The following MYO6 variants were observed in gnomAD, a reference collection of about 807,000 sequenced individuals.
MYO6 encodes the protein unconventional myosin-VI.
Under a neutral mutation model 178.7 loss-of-function variants are expected in MYO6, and 74 were observed. The ratio of observed to expected loss-of-function variants is 0.41; its 90% CI spans 0.34 to 0.50. The LOEUF (loss-of-function observed/expected upper bound fraction) is 0.50, where lower values mean the gene tolerates loss of function less well. Among genes scored for constraint, MYO6 ranks in the 20% least tolerant of loss-of-function variants. The pLI, the probability that MYO6 is intolerant of heterozygous loss-of-function variation, is 0.09. For synonymous variants in MYO6, 477 were observed against 504.6 expected (o/e 0.95, Z 0.73); for missense variants, 1,330 against 1,547.4 (o/e 0.86, Z 2.36).
intron 9 of MYO6, among the ~76,000 whole-genome samples, chr6:75,844,551 T>C (rs1774545286): frequency 1.3e-5 from 2 of 152,094 alleles, no homozygotes; most frequent in Admixed American, 1.3e-4. Context: ...ACATATTTAG[T>C]AGGAAGGTGA....
At chr6:75,840,796 C>T (rs1028810580) in intron 8 of MYO6, 114 bp downstream of exon 8, 5 of 800,764 alleles carry the variant, frequency 6.2e-6, no homozygotes, top group South Asian at 1.5e-5. Context: ...TTCATTGTTA[C>T]TTTAGATGGT....
intron 33 of MYO6, 24 bp from the exon 34 acceptor site, chr6:75,914,039 A>T (rs1377414103): frequency 6.2e-7 from 1 of 1,611,312 alleles, no homozygotes; most frequent in Admixed American, 1.7e-5. Context: ...CTGCTGGTAT[A>T]ACTTTCCTTG....
At chr6:75,863,548 C>T (rs755891475) in intron 16 of MYO6, among the ~76,000 whole-genome samples, 2 of 151,626 alleles carry the variant, frequency 1.3e-5, no homozygotes, top group Admixed American at 6.6e-5. Flanking sequence ...TGCAATGGTG[C>T]GATCTCGGCT....
chr6:75,878,794 A>G (rs539682385), intron 20 of MYO6, among the ~76,000 whole-genome samples: 40 of 152,304 alleles, frequency 2.6e-4, no homozygotes, highest in African/African-American at 9.1e-4. Context: ...GTTGATTTGA[A>G]TAGTCCCAGA....
Position 75,783,434 on chromosome 6 carries a change from A to T in MYO6, c.-48+34011A>T, listed in dbSNP as rs1767190850. 2.0e-5 allele frequency among the ~76,000 whole-genome samples: 3 copies of T among 151,980 alleles called. No individual in the cohort carries two copies. In the South Asian group the frequency reaches 6.2e-4, roughly 32 times the overall value. On this transcript the variant is annotated intron_variant, in intron 1 of 34. Transcript: ENST00000369977. Reference sequence around the variant, plus strand: ...AGACTTGTTAAGTGGTGCTTTCAGCATTTCTCCCTTTTTCTCTTCCGGTAT... The same window carrying T: ...AGACTTGTTAAGTGGTGCTTTCAGCTTTTCTCCCTTTTTCTCTTCCGGTAT...
chr6:75,810,402 C>G (rs1014985404), intron 1 of MYO6, among the ~76,000 whole-genome samples: 2 of 152,114 alleles, frequency 1.3e-5, no homozygotes, highest in Non-Finnish European at 2.9e-5. Context: ...GATGCTGTAC[C>G]AGAGTCAGGT....
At chr6:75,827,189 G>T (rs1772564215) in intron 3 of MYO6, among the ~76,000 whole-genome samples, 1 of 152,210 alleles carries the variant, frequency 6.6e-6, no homozygotes. Flanking sequence ...CACTGGCAGT[G>T]TGTGGTAAGA....
chr6:75,904,701 G>A (rs1331550963), intron 30 of MYO6, among the ~76,000 whole-genome samples: 1 of 152,008 alleles, frequency 6.6e-6, no homozygotes, highest in East Asian at 1.9e-4. Flanking sequence ...GAGTAATTTG[G>A]TCGTCTGAAG....
intron 15 of MYO6, among the ~76,000 whole-genome samples, chr6:75,861,840 C>A (rs2149296434): frequency 6.6e-6 from 1 of 152,250 alleles, no homozygotes; most frequent in African/African-American, 2.4e-5. Flanking sequence ...ACACACGGAC[C>A]CTTTCTAACC....
At chr6:75,900,921 G>A (rs1218919352) in intron 30 of MYO6, among the ~76,000 whole-genome samples, 20 of 149,960 alleles carry the variant, frequency 1.3e-4, no homozygotes, top group Non-Finnish European at 2.7e-4. Context: ...TAAGGTGTAA[G>A]GAAGGGATCC....
chr6:75,781,287 C>T (rs758524747), intron 1 of MYO6, among the ~76,000 whole-genome samples: 40 of 152,128 alleles, frequency 2.6e-4, no homozygotes, highest in Middle Eastern at 3.4e-3. Flanking sequence ...TGAATGACTT[C>T]GGGGAGGAGG....
At position 75,919,505 on chromosome 6, in the gene MYO6, A is replaced by G. The variant is rs918667451; in HGVS notation, c.*4493A>G. ...CTCTAAAAATTGATGTACTGGAAAT[A>G]CAAATAAATAAATGCTCCCTGTGTA... is the stretch of plus-strand genomic sequence containing the variant. On this transcript the variant is annotated 3_prime_UTR_variant, in exon 35 of 35. Coordinates refer to ENST00000369977, the MANE Select transcript of MYO6 (RefSeq NM_004999.4). 6.5e-6 allele frequency: 1 copy of G among 152,674 alleles called. No individual in the cohort carries two copies. The highest frequency in any genetic ancestry group is 2.4e-5 in the African/African-American group (1 of 41,466). 9.5% of individuals were successfully genotyped at this position (152,674 alleles called of 1,614,324 possible).
At chr6:75,756,075 T>C (rs975164798) in intron 1 of MYO6, among the ~76,000 whole-genome samples, 1 of 152,186 alleles carries the variant, frequency 6.6e-6, no homozygotes, top group African/African-American at 2.4e-5. Flanking sequence ...TATCACACTT[T>C]TAGCAAAGAA....
rs931226411 is a variant in MYO6 at position 75,916,629 on chromosome 6, T to C, written c.*1617T>C. ...CTCTCTTCCATCTCTCGCCTTTAAC[T>C]GGTGTTTTTATTTGTGTAGGATAGT... On this transcript the variant is annotated 3_prime_UTR_variant, in exon 35 of 35. Coordinates refer to ENST00000369977, the MANE Select transcript of MYO6 (RefSeq NM_004999.4). The C allele has an allele frequency of 5.2e-5, 8 of 152,642 alleles. No homozygotes were observed. The highest frequency in any genetic ancestry group is 1.9e-4 in the African/African-American group (8 of 41,448). The allele number at this position is 152,642 out of a possible 1,614,324, so 9.5% of individuals were successfully genotyped here.
chr6:75,805,021 A>ATATATATATATATATATT (rs1252912172), intron 1 of MYO6, among the ~76,000 whole-genome samples: 1 of 77,284 alleles, frequency 1.3e-5, no homozygotes, highest in African/African-American at 1.0e-4. Flanking sequence ...ATATATATAT[A>ATATATATATATATATATT]TTTTTTTTTT....
chr6:75,875,059 TC>T (rs1309897464), intron 20 of MYO6, among the ~76,000 whole-genome samples: 8 of 152,202 alleles, frequency 5.3e-5, no homozygotes, highest in African/African-American at 1.9e-4. Flanking sequence ...AGGCTCATTT[TC>T]TTCTACCTGG....
chr6:75,800,622 TTGAGATGGC>T (rs1456646842), intron 1 of MYO6, among the ~76,000 whole-genome samples: 1 of 152,188 alleles, frequency 6.6e-6, no homozygotes, highest in East Asian at 1.9e-4. Context: ...TATGAAAAGT[TTGAGATGGC>T]TGTTGATTTC....
intron 7 of MYO6, among the ~76,000 whole-genome samples, chr6:75,836,739 C>T (rs1446850451): frequency 6.6e-6 from 1 of 151,834 alleles, no homozygotes; most frequent in Non-Finnish European, 1.5e-5. Context: ...CCCACCACCA[C>T]ATCTGGCTAA....
intron 9 of MYO6, among the ~76,000 whole-genome samples, chr6:75,843,565 A>G (rs1774446371): frequency 6.6e-6 from 1 of 152,172 alleles, no homozygotes; most frequent in Non-Finnish European, 1.5e-5. Flanking sequence ...TCCAGAAGCA[A>G]AGTATTTGAC....
Sources: gnomAD v4.1 joint callset for allele counts (sites outside exome capture counted in the v4.1 genomes callset) on GRCh38, gnomAD v4.1.1 for gene constraint, MANE v1.5 for transcripts, NCBI Gene and HGNC (gene_info 2026-07-23, HGNC 2026-07-21) for gene names.